Variants in COPG2 observed in about 807,000 individuals in gnomAD.
COPG2 encodes coat protein complex I subunit gamma 2.
Under a neutral mutation model 46.3 loss-of-function variants are expected in COPG2, and 37 were observed. The observed-to-expected ratio is 0.80, with a 90% CI of 0.61 to 1.05. The LOEUF is 1.05. Ranked by LOEUF, COPG2 falls within the 50% of genes least tolerant of loss-of-function variation. The pLI, the probability that COPG2 is intolerant of heterozygous loss-of-function variation, is 0.00. For synonymous variants in COPG2, 159 were observed against 129.7 expected, an observed-to-expected ratio of 1.23 and a Z score of -1.53; for missense variants, 427 against 387.8, an observed-to-expected ratio of 1.10 and a Z score of -0.85.
At chr7:130,633,266 G>A (rs11972241) in intron 5 of COPG2, among the ~76,000 whole-genome samples, 6,446 of 152,168 alleles carry the variant, frequency 0.042, 191 homozygotes, top group Admixed American at 0.088. Flanking sequence ...ACCCAGTAAT[G>A]CGATTACTGG....
intron 5 of COPG2, among the ~76,000 whole-genome samples, chr7:130,632,120 A>G (rs1486154773): frequency 2.0e-5 from 3 of 152,172 alleles, no homozygotes; most frequent in Non-Finnish European, 4.4e-5. Flanking sequence ...AACTTCATTT[A>G]CTATAATATT....
chr7:130,602,458 A>C (rs1038332921), intron 9 of COPG2, among the ~76,000 whole-genome samples: 1 of 151,838 alleles, frequency 6.6e-6, no homozygotes, highest in African/African-American at 2.4e-5. Flanking sequence ...TTTTACTTCC[A>C]TCTAATACCA....
intron 6 of COPG2, among the ~76,000 whole-genome samples, chr7:130,614,651 C>T (rs1480351155): frequency 2.0e-5 from 3 of 152,138 alleles, no homozygotes; most frequent in African/African-American, 4.8e-5. Context: ...CTATTGCTGA[C>T]TAATCAGATT....
intron 7 of COPG2, among the ~76,000 whole-genome samples, chr7:130,613,194 A>G (rs1227970645): frequency 6.6e-6 from 1 of 152,162 alleles, no homozygotes; most frequent in Non-Finnish European, 1.5e-5. Flanking sequence ...TTCTCATATG[A>G]GGCCGGCAAC....
intron 9 of COPG2, among the ~76,000 whole-genome samples, chr7:130,574,404 C>G (rs1262051120): frequency 6.6e-6 from 1 of 152,144 alleles, no homozygotes; most frequent in Non-Finnish European, 1.5e-5. Flanking sequence ...CAGCTTGGAG[C>G]TGGGTAGACT....
At chr7:130,583,728 C>T (rs1794205305) in intron 9 of COPG2, among the ~76,000 whole-genome samples, 1 of 143,862 alleles carries the variant, frequency 7.0e-6, no homozygotes, top group Non-Finnish European at 1.5e-5. Flanking sequence ...TCGCTTGAAT[C>T]CCTGGGAGGC....
intron 20 of COPG2, among the ~76,000 whole-genome samples, chr7:130,543,247 T>C (rs1037827184): frequency 6.6e-6 from 1 of 152,318 alleles, no homozygotes; most frequent in African/African-American, 2.4e-5. Context: ...GAAGTATTAC[T>C]CTGTTTAACA....
chr7:130,600,897 C>A (rs997073878), intron 9 of COPG2, among the ~76,000 whole-genome samples: 3 of 152,186 alleles, frequency 2.0e-5, no homozygotes, highest in Non-Finnish European at 4.4e-5. Flanking sequence ...ATTATATACA[C>A]CAGAGTTTGT....
intron 5 of COPG2, among the ~76,000 whole-genome samples, chr7:130,640,187 CTG>C (rs1463806909): frequency 1.4e-5 from 1 of 73,090 alleles, no homozygotes; most frequent in Non-Finnish European, 2.8e-5. Context: ...TTTTTGTAAA[CTG>C]TGCTCAGGCC....
At chr7:130,549,182 T>C (rs1793494803) in intron 18 of COPG2, 132 bp downstream of exon 18, 1 of 396,156 alleles carries the variant, frequency 2.5e-6, no homozygotes, top group Non-Finnish European at 4.4e-6. Flanking sequence ...TCAGCAACTA[T>C]ACCCTATGGT....
chr7:130,580,557 G>C (rs1794116921), intron 9 of COPG2, among the ~76,000 whole-genome samples: 1 of 134,356 alleles, frequency 7.4e-6, no homozygotes, highest in African/African-American at 3.0e-5. Flanking sequence ...GAATCCAGGA[G>C]CTGGTTTTTT....
chr7:130,528,115 AG>A (rs1468898376), intron 20 of COPG2, among the ~76,000 whole-genome samples: 20 of 152,090 alleles, frequency 1.3e-4, no homozygotes, highest in African/African-American at 4.8e-4. Context: ...AGGACCCAGG[AG>A]GAGCGGAGGA....
intron 5 of COPG2, among the ~76,000 whole-genome samples, chr7:130,631,161 CT>C (rs1795220327): frequency 2.2e-5 from 3 of 136,540 alleles, no homozygotes; most frequent in Non-Finnish European, 4.6e-5. Flanking sequence ...GTTCCCTTTT[CT>C]TTTTCTTTTC....
At chr7:130,625,072 T>C (rs1197952364) in intron 5 of COPG2, among the ~76,000 whole-genome samples, 1 of 152,192 alleles carries the variant, frequency 6.6e-6, no homozygotes, top group Non-Finnish European at 1.5e-5. Flanking sequence ...TATGCCAACA[T>C]CTATTGTTTT....
chr7:130,556,135 G>A (rs1793619406), intron 12 of COPG2, among the ~76,000 whole-genome samples: 1 of 152,172 alleles, frequency 6.6e-6, no homozygotes, highest in Non-Finnish European at 1.5e-5. Flanking sequence ...GAACCCTAAG[G>A]ATGGAACCTG....
At chr7:130,519,846 G>A in intron 20 of COPG2, among the ~76,000 whole-genome samples, 1 of 152,294 alleles carries the variant, frequency 6.6e-6, no homozygotes, top group Middle Eastern at 3.4e-3. Flanking sequence ...CTGTCAGATT[G>A]CAGAAGAACT....
In COPG2 at chr7:130,538,689, A is replaced by C. The variant is rs946227569; in HGVS notation, c.2149+8985T>G. On this transcript the variant is annotated intron_variant, in intron 20 of 23. Coordinates refer to ENST00000425248, the MANE Select transcript of COPG2 (RefSeq NM_012133.6). ...AAACCTTGGGGGCTGGGGGCCTGGG[A>C]GGGGATGGACTCATGTGTTTTGAGT... is the stretch of plus-strand genomic sequence containing the variant. Among the ~76,000 whole-genome samples the C allele has an allele frequency of 8.8e-4, 7 of 7,970 alleles. No individual in the cohort carries two copies. The East Asian group carries it at 0.065, about 74-fold the overall frequency. 5.2% of individuals were successfully genotyped at this position (7,970 alleles called of 152,430 possible). A position where few individuals can be genotyped will look rare whatever the true frequency, so the allele number is the denominator to read the frequency against.
chr7:130,556,131 T>G (rs2116394339), intron 12 of COPG2, among the ~76,000 whole-genome samples: 2 of 152,304 alleles, frequency 1.3e-5, no homozygotes, highest in East Asian at 1.9e-4. Flanking sequence ...ATAAGAACCC[T>G]AAGGATGGAA....
rs1172688964 is a variant in COPG2 at position 130,558,180 on chromosome 7, A to G, written c.1128+2853T>C. ...AATGTGGTTTGGATCTGTGCCCCCA[A>G]CCAAATCTCATGTTGAATTGTAATC... On this transcript the variant is annotated intron_variant, in intron 12 of 23. Transcript: ENST00000425248. Among the ~76,000 whole-genome samples, 7 of 152,048 alleles carry G rather than the reference A, an allele frequency of 4.6e-5. No individual in the cohort carries two copies. In the East Asian group the frequency reaches 9.6e-4, roughly 21 times the overall value.
Sources: gnomAD v4.1 joint callset for allele counts (sites outside exome capture counted in the v4.1 genomes callset) on GRCh38, gnomAD v4.1.1 for gene constraint, MANE v1.5 for transcripts, NCBI Gene and HGNC (gene_info 2026-07-23, HGNC 2026-07-21) for gene names.